The following SPEF2 variants were observed in gnomAD, a reference collection of about 807,000 sequenced individuals.
The protein encoded by SPEF2 is sperm flagellar and cilia associated 2.
In SPEF2, 187 loss-of-function variants were observed where a neutral mutation model predicts 224.6. That is an observed-to-expected ratio of 0.83 (90% confidence interval 0.74 to 0.94). The LOEUF (loss-of-function observed/expected upper bound fraction) is 0.94. SPEF2 is among the 40% of genes least tolerant of loss of function. The probability of loss-of-function intolerance (pLI) is 0.00; values close to 1 mark genes in which losing one functional copy is unlikely to be tolerated. For synonymous variants in SPEF2, 715 were observed against 707.3 expected, an observed-to-expected ratio of 1.01 and a Z score of -0.17; for missense variants, 2,170 against 2,135.6, an observed-to-expected ratio of 1.02 and a Z score of -0.32.
At chr5:35,726,867 G>A (rs115049459) in intron 20 of SPEF2, among the ~76,000 whole-genome samples, 2,451 of 152,160 alleles carry the variant, frequency 0.016, 71 homozygotes, top group African/African-American at 0.056. Context: ...ACCATAGGGC[G>A]CCACTTAACA....
At chr5:35,733,634 G>T (rs938111742) in intron 21 of SPEF2, among the ~76,000 whole-genome samples, 1 of 152,182 alleles carries the variant, frequency 6.6e-6, no homozygotes, top group Non-Finnish European at 1.5e-5. Context: ...CAGGAAGGCA[G>T]GTGCCAGATT....
At chr5:35,727,574 T>C in intron 20 of SPEF2, 101 bp from the exon 21 acceptor site, 1 of 973,008 alleles carries the variant, frequency 1.0e-6, no homozygotes, top group South Asian at 1.8e-5. Flanking sequence ...AAGTAGTTAA[T>C]GAATCACCTG....
intron 10 of SPEF2, among the ~76,000 whole-genome samples, chr5:35,674,967 GA>G (rs1382400488): frequency 6.6e-6 from 1 of 151,924 alleles, no homozygotes; most frequent in African/African-American, 2.4e-5. Flanking sequence ...CTTGTCTTTT[GA>G]CTATGAAGAT....
At chr5:35,787,560 G>A (rs749358478) in intron 30 of SPEF2, among the ~76,000 whole-genome samples, 25 of 152,100 alleles carry the variant, frequency 1.6e-4, no homozygotes, top group Non-Finnish European at 2.9e-4. Flanking sequence ...GTGTAACTCC[G>A]CTCCACCACT....
At chr5:35,743,137 T>C (rs1029699285) in intron 23 of SPEF2, among the ~76,000 whole-genome samples, 1 of 151,618 alleles carries the variant, frequency 6.6e-6, no homozygotes, top group Non-Finnish European at 1.5e-5. Flanking sequence ...TTAGATATGG[T>C]GGACACACTC....
chr5:35,713,748 T>TA (rs398072486), intron 20 of SPEF2, among the ~76,000 whole-genome samples: 17 of 126,030 alleles, frequency 1.3e-4, no homozygotes, highest in East Asian at 9.2e-4. Flanking sequence ...TATATATATA[T>TA]TTTATATATA....
intron 23 of SPEF2, among the ~76,000 whole-genome samples, chr5:35,743,822 C>T (rs1748046590): frequency 6.6e-6 from 1 of 152,086 alleles, no homozygotes; most frequent in Non-Finnish European, 1.5e-5. Flanking sequence ...AGTTTTAAGG[C>T]AGCAACAGTA....
At chr5:35,700,354 C>T (rs1738359963) in intron 15 of SPEF2, 142 bp from the exon 16 acceptor site, 4 of 756,238 alleles carry the variant, frequency 5.3e-6, no homozygotes, top group African/African-American at 3.5e-5. Context: ...ATCAGTAAAC[C>T]TAATCTTTTA....
At position 35,776,356 on chromosome 5, in the gene SPEF2, A is replaced by G; in HGVS notation, c.4178A>G (p.Glu1393Gly). 7 of 1,610,430 alleles carry G rather than the reference A, an allele frequency of 4.3e-6. No individual in the cohort carries two copies. The South Asian group carries it at 5.5e-5, about 13-fold the overall frequency. The change falls in exon 29 of 37, where the codon GAA becomes GGA. Residue 1393 changes from glutamate to glycine, a missense_variant. Physicochemically the swap from Glu to Gly is moderately conservative, Grantham distance 98 (BLOSUM62 -2). Transcript: ENST00000356031. ...GTGGTTGATGTATATAAACTCATGGAAAAATGGCTTGGTGAGAGGTATTTG... is the reference window on the plus strand; with the variant it reads ...GTGGTTGATGTATATAAACTCATGGGAAAATGGCTTGGTGAGAGGTATTTG... ...TKVVDVYKLM[E>G]KWLGERYLNE...
intron 21 of SPEF2, among the ~76,000 whole-genome samples, chr5:35,736,767 T>C (rs1746677614): frequency 6.6e-6 from 1 of 152,190 alleles, no homozygotes; most frequent in African/African-American, 2.4e-5. Flanking sequence ...AGCAGGAGAA[T>C]TGTTTTGGTG....
chr5:35,647,873 A>G (rs1380669713), intron 5 of SPEF2, among the ~76,000 whole-genome samples: 5 of 137,084 alleles, frequency 3.6e-5, no homozygotes, highest in African/African-American at 8.5e-5. Context: ...CCAACTGTCA[A>G]TCATTTCAGT....
intron 7 of SPEF2, among the ~76,000 whole-genome samples, chr5:35,658,378 C>T (rs1749245944): frequency 6.6e-6 from 1 of 152,188 alleles, no homozygotes; most frequent in South Asian, 2.1e-4. Context: ...CCCCCAGCCT[C>T]TTCTCCAGGC....
intron 23 of SPEF2, among the ~76,000 whole-genome samples, chr5:35,752,408 C>A (rs1749803336): frequency 6.6e-6 from 1 of 152,046 alleles, no homozygotes; most frequent in Admixed American, 6.6e-5. Flanking sequence ...CCCATCTTAG[C>A]CTCCTGAGTA....
chr5:35,697,602 C>G, intron 14 of SPEF2, 88 bp from the exon 15 acceptor site: 1 of 1,014,270 alleles, frequency 9.9e-7, no homozygotes, highest in Non-Finnish European at 1.5e-6. Flanking sequence ...ATCAGAGAGC[C>G]TGGTCATTTA....
rs560032110 is a variant in SPEF2, at chr5:35,749,806, C to A, written c.3331-3818C>A. ...AAGCAATCTACAAATTCAATGCAAT[C>A]CCCATCAAAATACCACCAACAGTCT... On this transcript the variant is annotated intron_variant, in intron 23 of 36. Transcript: ENST00000356031. Among the ~76,000 whole-genome samples, 35 of 152,116 alleles carry A rather than the reference C, an allele frequency of 2.3e-4. 1 individual carries two copies. The highest frequency in any genetic ancestry group is 8.2e-4 in the African/African-American group (34 of 41,512).
At chr5:35,811,552 G>A (rs1019085139) in intron 36 of SPEF2, among the ~76,000 whole-genome samples, 3 of 151,680 alleles carry the variant, frequency 2.0e-5, no homozygotes, top group Admixed American at 6.6e-5. Flanking sequence ...TTCGGCAAGT[G>A]ACCTCAAAGT....
intron 23 of SPEF2, among the ~76,000 whole-genome samples, chr5:35,749,985 G>C (rs977655713): frequency 2.1e-4 from 32 of 152,142 alleles, no homozygotes; most frequent in Non-Finnish European, 1.6e-4. Flanking sequence ...AAAACAGCAT[G>C]ATACTGGTAT....
intron 30 of SPEF2, among the ~76,000 whole-genome samples, chr5:35,783,246 C>G (rs865820937): frequency 6.6e-6 from 1 of 152,212 alleles, no homozygotes; most frequent in Non-Finnish European, 1.5e-5. Context: ...CCACCTCAGT[C>G]TATGATGGGA....
chr5:35,792,296 C>T, intron 30 of SPEF2, 44 bp from the exon 31 acceptor site: 1 of 1,485,480 alleles, frequency 6.7e-7, no homozygotes, highest in South Asian at 1.3e-5. Flanking sequence ...AGAGAAAAAC[C>T]ATCACCTAAA....
Sources: allele counts gnomAD v4.1 joint callset (sites outside exome capture counted in the v4.1 genomes callset), GRCh38; gene constraint gnomAD v4.1.1; transcripts MANE v1.5; gene names NCBI Gene and HGNC (gene_info 2026-07-23, HGNC 2026-07-21).